Variants in LRBA observed in about 807,000 individuals in gnomAD.
LRBA encodes LPS responsive beige-like anchor protein, also known as lipopolysaccharide-responsive and beige-like anchor protein.
Under a neutral mutation model 330.0 loss-of-function variants are expected in LRBA, and 176 were observed. That is an observed-to-expected ratio of 0.53 (90% CI 0.47 to 0.60). The LOEUF (loss-of-function observed/expected upper bound fraction) is 0.60. Ranked by LOEUF, LRBA falls within the 20% of genes least tolerant of loss-of-function variation. LRBA has a pLI of 0.00. For synonymous variants in LRBA, 1,230 were observed against 1,193.0 expected, an observed-to-expected ratio of 1.03 and a Z score of -0.64; for missense variants, 3,259 against 3,444.8, an observed-to-expected ratio of 0.95 and a Z score of 1.35.
chr4:150,914,168 T>A (rs1732315124), intron 9 of LRBA, 27 bp downstream of exon 9: 2 of 1,574,726 alleles, frequency 1.3e-6, no homozygotes, highest in Non-Finnish European at 1.7e-6. Context: ...CTAACATTGG[T>A]TAAGCACAAA....
chr4:150,676,099 T>C (rs577007209), intron 37 of LRBA, among the ~76,000 whole-genome samples: 1 of 152,328 alleles, frequency 6.6e-6, no homozygotes, highest in South Asian at 2.1e-4. Flanking sequence ...AATGAATGTA[T>C]ATGAAAATTA....
chr4:150,494,986 C>T (rs1335446099), intron 40 of LRBA, among the ~76,000 whole-genome samples: 9 of 150,382 alleles, frequency 6.0e-5, no homozygotes, highest in Non-Finnish European at 3.0e-5. Flanking sequence ...GGTGACACAG[C>T]GAGACTCTGT....
intron 37 of LRBA, among the ~76,000 whole-genome samples, chr4:150,677,828 G>GAAAAA (rs1561505112): frequency 3.1e-5 from 1 of 31,948 alleles, no homozygotes; most frequent in African/African-American, 8.2e-5. Flanking sequence ...AAAAGAAAAA[G>GAAAAA]AAAAAAGAAA....
intron 40 of LRBA, among the ~76,000 whole-genome samples, chr4:150,527,197 G>A (rs192540694): frequency 6.6e-6 from 1 of 151,958 alleles, no homozygotes; most frequent in South Asian, 2.1e-4. Flanking sequence ...TTCCAAGAAC[G>A]GTTTTGCTTT....
At chr4:150,679,341 C>T (rs1782849190) in intron 37 of LRBA, among the ~76,000 whole-genome samples, 1 of 152,144 alleles carries the variant, frequency 6.6e-6, no homozygotes, top group Non-Finnish European at 1.5e-5. Context: ...TGACATACTA[C>T]AAGATAAAAT....
intron 44 of LRBA, among the ~76,000 whole-genome samples, chr4:150,439,469 G>T (rs1035203309): frequency 6.6e-6 from 1 of 151,462 alleles, no homozygotes; most frequent in Admixed American, 6.6e-5. Flanking sequence ...TTATTTGCAA[G>T]CATATAAAAA....
Position 150,749,070 on chromosome 4 carries a change from A to G in LRBA, c.5645+12713T>C, listed in dbSNP as rs186956711. On this transcript the variant is annotated intron_variant, in intron 35 of 56. Coordinates refer to ENST00000651943, the MANE Select transcript of LRBA (RefSeq NM_001364905.1). Reference sequence around the variant, plus strand: ...TCTCAGGTATTTTTTATAGCAGCATACAGAGACTAAGGCACTTACCTTACA... The same window carrying G: ...TCTCAGGTATTTTTTATAGCAGCATGCAGAGACTAAGGCACTTACCTTACA... Among the ~76,000 whole-genome samples the G allele has an allele frequency of 4.7e-4, 72 of 152,284 alleles. No homozygotes were observed. The East Asian group carries it at 0.011, about 23-fold the overall frequency.
intron 51 of LRBA, chr4:150,311,186 G>A (rs1000712862): frequency 4.6e-5 from 7 of 152,060 alleles, no homozygotes; most frequent in Admixed American, 1.3e-4. Flanking sequence ...TATCAGAAAC[G>A]GAATCTTCAC....
intron 40 of LRBA, among the ~76,000 whole-genome samples, chr4:150,563,293 G>A (rs1768626546): frequency 6.6e-6 from 1 of 152,008 alleles, no homozygotes; most frequent in Non-Finnish European, 1.5e-5. Flanking sequence ...AAGAACCAAT[G>A]ACAAAAACTA....
chr4:150,654,388 C>T (rs1779979624), intron 37 of LRBA, among the ~76,000 whole-genome samples: 1 of 152,062 alleles, frequency 6.6e-6, no homozygotes, highest in African/African-American at 2.4e-5. Context: ...GGGGCTTCAC[C>T]ACATTGGCCA....
intron 36 of LRBA, among the ~76,000 whole-genome samples, chr4:150,718,384 A>G (rs1392090870): frequency 6.6e-6 from 1 of 152,180 alleles, no homozygotes; most frequent in East Asian, 1.9e-4. Context: ...GCAGTAGATA[A>G]AATTCAGTTA....
At chr4:150,896,492 T>G (rs765290073) in intron 15 of LRBA, 36 bp from the exon 16 acceptor site, 2 of 1,075,344 alleles carry the variant, frequency 1.9e-6, no homozygotes, top group Non-Finnish European at 2.8e-6. Context: ...TACGTTTACA[T>G]GTAAAAAAAT....
chr4:150,683,569 C>T lies in LRBA; in HGVS notation c.5903G>A (p.Trp1968Ter). The part of the protein sequence containing the change: ...INILTDKHGA[W>*]GNSAVSRPLE... ...CCTTTACCTCACTGCAGAATTTCCC[C>T]AGGCTCCATGCTTGTCTGTGAGAAT... The change falls in exon 37 of 57, where the codon TGG (tryptophan) becomes TAG (stop). Residue 1968 changes from tryptophan to a stop codon, truncating the protein, a stop_gained. Coordinates refer to ENST00000651943, the MANE Select transcript of LRBA (RefSeq NM_001364905.1). LOFTEE classifies it high-confidence loss of function. The T allele has an allele frequency of 6.2e-7, 1 of 1,613,820 alleles. No individual in the cohort carries two copies. Among genetic ancestry groups the T allele is most frequent in the Non-Finnish European group, 8.5e-7 (1 of 1,179,860 alleles).
chr4:150,769,857 G>C (rs1264548841), intron 34 of LRBA, among the ~76,000 whole-genome samples: 3 of 152,108 alleles, frequency 2.0e-5, no homozygotes, highest in Non-Finnish European at 4.4e-5. Flanking sequence ...TTAATAACAA[G>C]GTTATAATTC....
intron 36 of LRBA, among the ~76,000 whole-genome samples, chr4:150,696,809 G>A (rs1784656691): frequency 6.7e-6 from 1 of 148,768 alleles, no homozygotes; most frequent in African/African-American, 2.5e-5. Flanking sequence ...AGGAGTTCCA[G>A]ACCAGCCTGT....
chr4:150,518,808 AGAG>A (rs1410192991), intron 40 of LRBA, among the ~76,000 whole-genome samples: 1 of 152,084 alleles, frequency 6.6e-6, no homozygotes, highest in Non-Finnish European at 1.5e-5. Context: ...TTAACATCTC[AGAG>A]TTCACCAAAC....
rs555336985 is a variant in LRBA, at chr4:150,377,824, A to G, written c.7195-27665T>C. On this transcript the variant is annotated intron_variant, in intron 47 of 56. Transcript: ENST00000651943. ...AACATGGTGAAATCCCATCTCTACT[A>G]AAAATACAAAAAATTAGCCAGGCAT... 6.6e-5 allele frequency among the ~76,000 whole-genome samples: 10 copies of G among 151,986 alleles called. 1 individual carries two copies. The South Asian group carries it at 2.1e-3, about 32-fold the overall frequency.
At chr4:150,929,452 T>C (rs761742575) in intron 2 of LRBA, among the ~76,000 whole-genome samples, 2 of 152,210 alleles carry the variant, frequency 1.3e-5, no homozygotes, top group East Asian at 1.9e-4. Context: ...AAACAACTTA[T>C]GAGCTCACGG....
At chr4:150,652,174 T>A (rs1779770422) in intron 37 of LRBA, among the ~76,000 whole-genome samples, 1 of 151,960 alleles carries the variant, frequency 6.6e-6, no homozygotes, top group Admixed American at 6.6e-5. Context: ...TAGGGGAAAA[T>A]ACCTTAATAC....
Sources: allele counts gnomAD v4.1 joint callset (sites outside exome capture counted in the v4.1 genomes callset), GRCh38; gene constraint gnomAD v4.1.1; transcripts MANE v1.5; gene names NCBI Gene and HGNC (gene_info 2026-07-23, HGNC 2026-07-21).